The following RBM20 variants were observed in gnomAD, a reference collection of about 807,000 sequenced individuals.
RBM20 encodes RNA binding motif protein 20.
A neutral mutation model predicts 110.1 loss-of-function variants in RBM20; 51 were observed. The ratio of observed to expected loss-of-function variants is 0.46; its 90% CI spans 0.37 to 0.59. The LOEUF is 0.59. Ranked by LOEUF, RBM20 falls within the 20% of genes least tolerant of loss-of-function variation. The probability of loss-of-function intolerance (pLI) is 0.00; values close to 1 mark genes in which losing one functional copy is unlikely to be tolerated. For missense variants in RBM20, 1,512 were observed against 1,574.9 expected (o/e 0.96, Z 0.68); for synonymous variants, 589 against 618.2 (o/e 0.95, Z 0.70).
intron 4 of RBM20, 131 bp from the exon 5 acceptor site, chr10:110,784,661 G>A (rs1210444109): frequency 5.5e-6 from 4 of 730,836 alleles, no homozygotes; most frequent in Non-Finnish European, 9.7e-6. Flanking sequence ...ATGTCCAGAG[G>A]TACAATCATG....
At chr10:110,695,248 C>T (rs1346192020) in intron 1 of RBM20, among the ~76,000 whole-genome samples, 1 of 152,190 alleles carries the variant, frequency 6.6e-6, no homozygotes, top group African/African-American at 2.4e-5. Context: ...GGAAATTTAA[C>T]ATGAAATAAA....
intron 1 of RBM20, among the ~76,000 whole-genome samples, chr10:110,690,903 C>A (rs562872042): frequency 6.6e-6 from 1 of 152,312 alleles, no homozygotes; most frequent in East Asian, 1.9e-4. Context: ...ACTTGAAAGA[C>A]CTGAGTCAAT....
intron 1 of RBM20, among the ~76,000 whole-genome samples, chr10:110,697,200 T>C (rs971723028): frequency 6.6e-6 from 1 of 152,202 alleles, no homozygotes; most frequent in African/African-American, 2.4e-5. Context: ...CCAACAACAC[T>C]GGGCTCGTGA....
At chr10:110,796,934 C>T (rs1476794413) in intron 5 of RBM20, among the ~76,000 whole-genome samples, 1 of 152,146 alleles carries the variant, frequency 6.6e-6, no homozygotes, top group Non-Finnish European at 1.5e-5. Context: ...GCACATGAGC[C>T]ATCACATATT....
At chr10:110,711,279 G>A (rs113760741) in intron 1 of RBM20, among the ~76,000 whole-genome samples, 17,198 of 136,322 alleles carry the variant, frequency 0.13, 1,068 homozygotes, top group South Asian at 0.16. Flanking sequence ...GCAGTGAGCT[G>A]AGACTGTGCC....
intron 12 of RBM20, among the ~76,000 whole-genome samples, chr10:110,827,487 G>A (rs1844997312): frequency 6.6e-6 from 1 of 152,148 alleles, no homozygotes; most frequent in Non-Finnish European, 1.5e-5. Flanking sequence ...ACACAGTGTA[G>A]GAAAGGCTAC....
In RBM20 at chr10:110,682,753, T is replaced by C. The variant is rs562018541; in HGVS notation, c.191+38108T>C. Among the ~76,000 whole-genome samples the C allele has an allele frequency of 2.0e-4, 30 of 152,356 alleles. No homozygotes were observed. In the South Asian group the frequency reaches 6.0e-3, roughly 31 times the overall value. Reference sequence around the variant, plus strand: ...GTTAAAAGCTGCTATTTTTTCTTTGTAATTAAGAATATTTCAGGGGAGCTA... The same window carrying C: ...GTTAAAAGCTGCTATTTTTTCTTTGCAATTAAGAATATTTCAGGGGAGCTA... On this transcript the variant is annotated intron_variant, in intron 1 of 13. Coordinates refer to ENST00000369519, the MANE Select transcript of RBM20 (RefSeq NM_001134363.3).
intron 12 of RBM20, among the ~76,000 whole-genome samples, chr10:110,830,568 G>C (rs936420153): frequency 6.6e-6 from 1 of 150,952 alleles, no homozygotes; most frequent in South Asian, 2.1e-4. Context: ...AGTGACTCTG[G>C]GTGATTTTTT....
At chr10:110,719,246 G>C (rs1198383773) in intron 1 of RBM20, among the ~76,000 whole-genome samples, 1 of 152,238 alleles carries the variant, frequency 6.6e-6, no homozygotes, top group Non-Finnish European at 1.5e-5. Flanking sequence ...AGGTGAGCCT[G>C]TTTCAGTTTT....
At chr10:110,691,340 T>C (rs538158266) in intron 1 of RBM20, among the ~76,000 whole-genome samples, 24 of 152,370 alleles carry the variant, frequency 1.6e-4, no homozygotes, top group African/African-American at 5.8e-4. Context: ...TGGTTAGCTT[T>C]TGAGGAACTG....
intron 12 of RBM20, among the ~76,000 whole-genome samples, chr10:110,825,433 A>C (rs1844970522): frequency 6.6e-6 from 1 of 152,226 alleles, no homozygotes; most frequent in Admixed American, 6.5e-5. Context: ...CAAATTCAAA[A>C]AATAAGAACC....
intron 1 of RBM20, among the ~76,000 whole-genome samples, chr10:110,751,955 C>T (rs142594465): frequency 6.6e-6 from 1 of 152,076 alleles, no homozygotes; most frequent in Non-Finnish European, 1.5e-5. Flanking sequence ...GATATACCCC[C>T]GCCTCCACAC....
intron 1 of RBM20, among the ~76,000 whole-genome samples, chr10:110,668,531 T>G (rs1241936588): frequency 1.3e-5 from 2 of 151,968 alleles, no homozygotes; most frequent in Non-Finnish European, 2.9e-5. Flanking sequence ...GGGGAGACCT[T>G]GTCATTCAAG....
intron 1 of RBM20, among the ~76,000 whole-genome samples, chr10:110,716,846 G>A (rs1019266960): frequency 2.0e-5 from 3 of 151,688 alleles, no homozygotes; most frequent in Non-Finnish European, 2.9e-5. Context: ...GAACCTGGGA[G>A]GTGGAGCTTG....
At chr10:110,722,357 A>G (rs1156497263) in intron 1 of RBM20, among the ~76,000 whole-genome samples, 1 of 145,684 alleles carries the variant, frequency 6.9e-6, no homozygotes, top group Non-Finnish European at 1.5e-5. Flanking sequence ...AACCTCCCCC[A>G]TTATCAGCAT....
chr10:110,755,297 AC>A (rs1011030339), intron 1 of RBM20, among the ~76,000 whole-genome samples: 2 of 151,998 alleles, frequency 1.3e-5, no homozygotes, highest in African/African-American at 4.8e-5. Context: ...TTTCATCCTT[AC>A]CCCTTTGATG....
At chr10:110,780,417 T>C (rs1334899844) in intron 1 of RBM20, among the ~76,000 whole-genome samples, 1 of 152,220 alleles carries the variant, frequency 6.6e-6, no homozygotes, top group African/African-American at 2.4e-5. Flanking sequence ...CTATAATAAA[T>C]GCATTTTGTT....
intron 1 of RBM20, among the ~76,000 whole-genome samples, chr10:110,649,862 A>G (rs1162655923): frequency 2.0e-5 from 3 of 152,228 alleles, no homozygotes; most frequent in East Asian, 3.8e-4. Flanking sequence ...TCTTGAGAAT[A>G]TGCGTGTTAT....
At chr10:110,822,892 G>T (rs542605317) in intron 11 of RBM20, among the ~76,000 whole-genome samples, 3 of 152,078 alleles carry the variant, frequency 2.0e-5, no homozygotes, top group Non-Finnish European at 4.4e-5. Context: ...TAGAGAAACC[G>T]TGAGGCCCAG....
Sources: gnomAD v4.1 joint callset for allele counts (sites outside exome capture counted in the v4.1 genomes callset) on GRCh38, gnomAD v4.1.1 for gene constraint, MANE v1.5 for transcripts, NCBI Gene and HGNC (gene_info 2026-07-23, HGNC 2026-07-21) for gene names.